CDH9: variants seen among roughly 807,000 people sequenced by gnomAD.
The protein encoded by CDH9 is cadherin-9.
Under a neutral mutation model 70.9 loss-of-function variants are expected in CDH9, and 28 were observed. The ratio of observed to expected loss-of-function variants is 0.40; its 90% CI spans 0.29 to 0.54. The LOEUF (loss-of-function observed/expected upper bound fraction) is 0.54. CDH9 is among the 20% of genes least tolerant of loss of function. The pLI is 0.59. For missense variants in CDH9, 874 were observed against 984.4 expected (o/e 0.89, Z 1.50); for synonymous variants, 409 against 343.1 (o/e 1.19, Z -2.12).
chr5:26,905,261 A>G lies in CDH9; in HGVS notation c.811+698T>C, dbSNP rs1305036516. ...TTTTCTGCAGGACATCATGAAATGC[A>G]AAGCATCCATGGTTTAATGTCTATC... is the stretch of plus-strand genomic sequence containing the variant. On this transcript the variant is annotated intron_variant, in intron 5 of 11. Coordinates refer to ENST00000231021, the MANE Select transcript of CDH9 (RefSeq NM_016279.4). Among the ~76,000 whole-genome samples, 3 of 152,152 alleles carry G rather than the reference A, an allele frequency of 2.0e-5. No individual in the cohort carries two copies. The East Asian group carries it at 5.8e-4, about 29-fold the overall frequency.
chr5:26,888,337 G>A (rs1461578930), intron 9 of CDH9, among the ~76,000 whole-genome samples: 1 of 152,062 alleles, frequency 6.6e-6, no homozygotes. Flanking sequence ...AAGAGTACCA[G>A]GTGGTAAACA....
intron 1 of CDH9, among the ~76,000 whole-genome samples, chr5:27,001,137 T>C (rs1385564035): frequency 6.6e-6 from 1 of 151,958 alleles, no homozygotes; most frequent in African/African-American, 2.4e-5. Context: ...AAACATTTAG[T>C]AGGTAGGAGC....
Position 26,964,110 on chromosome 5 carries a change from T to G in CDH9, c.228+23996A>C, listed in dbSNP as rs532559557. 2.9e-5 allele frequency among the ~76,000 whole-genome samples: 4 copies of G among 138,224 alleles called. No individual in the cohort carries two copies. In the South Asian group the frequency reaches 1.1e-3, roughly 39 times the overall value. 90.7% of individuals were successfully genotyped at this position (138,224 alleles called of 152,430 possible). ...CTATAATAAAGCTCTCATACTGTTTTATACTTTATTGTTTTGTTCAAGAAA... is the reference window on the plus strand; with the variant it reads ...CTATAATAAAGCTCTCATACTGTTTGATACTTTATTGTTTTGTTCAAGAAA... On this transcript the variant is annotated intron_variant, in intron 2 of 11. Transcript: ENST00000231021.
chr5:26,921,459 G>T (rs1188127041), intron 2 of CDH9, among the ~76,000 whole-genome samples: 1 of 152,152 alleles, frequency 6.6e-6, no homozygotes, highest in African/African-American at 2.4e-5. Flanking sequence ...TGCACACCAA[G>T]TAATAGTCAC....
chr5:27,003,215 G>T (rs1443806157), intron 1 of CDH9, among the ~76,000 whole-genome samples: 1 of 152,082 alleles, frequency 6.6e-6, no homozygotes, highest in Non-Finnish European at 1.5e-5. Context: ...TCAGATTTCA[G>T]AGTTTTGAAT....
intron 2 of CDH9, among the ~76,000 whole-genome samples, chr5:26,984,567 T>C (rs1366459): frequency 0.47 from 71,922 of 151,958 alleles, 17,866 homozygotes; most frequent in African/African-American, 0.52. Flanking sequence ...GGGATTATTC[T>C]GGACTTTGAA....
At position 26,885,668 on chromosome 5, in the gene CDH9, C is replaced by G. The variant is rs764882241; in HGVS notation, c.1828G>C (p.Gly610Arg). Residue 610 changes from glycine to arginine, a missense_variant, in exon 11 of 12, where the codon GGC becomes CGC. Gly to Arg is a moderately radical substitution (Grantham distance 125). Coordinates refer to ENST00000231021, the MANE Select transcript of CDH9 (RefSeq NM_016279.4). ...GCAACGAGAGCTCCCGTGCTCAGGC[C>G]GGCTGAAAGGATCAGGGCTTCTGCG... ...CTAEALILSAGLSTGALVAIL... is the reference protein window; with the variant it reads ...CTAEALILSARLSTGALVAIL... 2 of 1,613,632 alleles carry G rather than the reference C, an allele frequency of 1.2e-6. No homozygotes were observed. Among genetic ancestry groups the G allele is most frequent in the Admixed American group, 3.3e-5 (2 of 59,872 alleles).
chr5:27,029,900 G>A (rs1561046465), intron 1 of CDH9, among the ~76,000 whole-genome samples: 1 of 151,966 alleles, frequency 6.6e-6, no homozygotes, highest in East Asian at 1.9e-4. Flanking sequence ...TGAGACACAA[G>A]ATCAGCTTCT....
intron 2 of CDH9, among the ~76,000 whole-genome samples, chr5:26,973,880 A>G (rs1471427021): frequency 6.6e-6 from 1 of 152,202 alleles, no homozygotes; most frequent in African/African-American, 2.4e-5. Flanking sequence ...ATTATCTTGC[A>G]TAGTATGTTT....
At chr5:26,990,269 G>A (rs541690699) in intron 1 of CDH9, among the ~76,000 whole-genome samples, 2 of 152,256 alleles carry the variant, frequency 1.3e-5, no homozygotes, top group East Asian at 3.9e-4. Flanking sequence ...ATAGATTCTT[G>A]CTATGGTCTA....
intron 2 of CDH9, among the ~76,000 whole-genome samples, chr5:26,950,348 G>T (rs1049206777): frequency 2.6e-5 from 4 of 152,086 alleles, no homozygotes; most frequent in Non-Finnish European, 5.9e-5. Flanking sequence ...TTATCCCTCT[G>T]ACAAAGGTAT....
chr5:26,885,559 C>A, intron 11 of CDH9, 55 bp downstream of exon 11: 1 of 1,455,384 alleles, frequency 6.9e-7, no homozygotes, highest in Non-Finnish European at 9.6e-7. Context: ...CATGCTCAGA[C>A]AGTGAGGGAG....
At chr5:26,950,783 G>T (rs536875668) in intron 2 of CDH9, among the ~76,000 whole-genome samples, 1 of 152,102 alleles carries the variant, frequency 6.6e-6, no homozygotes, top group Non-Finnish European at 1.5e-5. Context: ...AACAAATTTT[G>T]TGAAGAAAAA....
At position 26,890,676 on chromosome 5, in the gene CDH9, A is replaced by T. The variant is rs1050897854; in HGVS notation, c.1254-112T>A. On this transcript the variant is annotated intron_variant, in intron 7 of 11. Transcript: ENST00000231021. ...TGATCTGACAAAGACATGAAATGCA[A>T]AATGCTAACAACTTTCTTGAATTTT... The T allele has an allele frequency of 4.9e-5, 35 of 720,616 alleles. No homozygotes were observed. The African/African-American group carries it at 5.5e-4, about 11-fold the overall frequency. 44.6% of individuals were successfully genotyped at this position (720,616 alleles called of 1,614,324 possible). A position where few individuals can be genotyped will look rare whatever the true frequency, so the allele number is the denominator to read the frequency against.
intron 2 of CDH9, among the ~76,000 whole-genome samples, chr5:26,964,610 T>C (rs1220332647): frequency 6.6e-6 from 1 of 152,200 alleles, no homozygotes; most frequent in Non-Finnish European, 1.5e-5. Flanking sequence ...AACCTAGCAC[T>C]ATGAGTGCAT....
chr5:27,014,968 A>C (rs1407725101), intron 1 of CDH9, among the ~76,000 whole-genome samples: 5 of 151,886 alleles, frequency 3.3e-5, no homozygotes, highest in Non-Finnish European at 7.4e-5. Context: ...AACGGACCAA[A>C]AGTTAAAGTG....
At chr5:26,923,710 C>A (rs769112713) in intron 2 of CDH9, among the ~76,000 whole-genome samples, 2 of 152,032 alleles carry the variant, frequency 1.3e-5, no homozygotes, top group Non-Finnish European at 1.5e-5. Flanking sequence ...TAATATCAAG[C>A]ATGTTCTCTG....
chr5:26,959,155 A>G (rs915751074), intron 2 of CDH9, among the ~76,000 whole-genome samples: 3 of 152,172 alleles, frequency 2.0e-5, no homozygotes, highest in African/African-American at 7.2e-5. Flanking sequence ...TTAGAACTCA[A>G]GAACAAAAAG....
intron 2 of CDH9, among the ~76,000 whole-genome samples, chr5:26,919,785 G>A (rs1465905808): frequency 6.6e-6 from 1 of 152,042 alleles, no homozygotes; most frequent in South Asian, 2.1e-4. Flanking sequence ...GACACACCCT[G>A]GGCCAGAAGG....
Sources: gnomAD v4.1 joint callset for allele counts (sites outside exome capture counted in the v4.1 genomes callset) on GRCh38, gnomAD v4.1.1 for gene constraint, MANE v1.5 for transcripts, NCBI Gene and HGNC (gene_info 2026-07-23, HGNC 2026-07-21) for gene names.